FGGY: variants seen among roughly 807,000 people sequenced by gnomAD.
FGGY encodes the protein FGGY carbohydrate kinase domain-containing protein.
A neutral mutation model predicts 71.3 loss-of-function variants in FGGY; 72 were observed. The observed-to-expected ratio is 1.01, with a 90% CI of 0.84 to 1.23. The LOEUF (loss-of-function observed/expected upper bound fraction) is 1.23. Ranked by LOEUF, FGGY falls within the 50% of genes most tolerant of loss-of-function variation. The probability of loss-of-function intolerance (pLI) is 0.00; values close to 1 mark genes in which losing one functional copy is unlikely to be tolerated. For missense variants in FGGY, 668 were observed against 682.3 expected, an observed-to-expected ratio of 0.98 and a Z score of 0.23; for synonymous variants, 251 against 250.3, an observed-to-expected ratio of 1.00 and a Z score of -0.02.
At chr1:59,548,499 G>A (rs1022575094) in intron 7 of FGGY, among the ~76,000 whole-genome samples, 2 of 152,268 alleles carry the variant, frequency 1.3e-5, no homozygotes, top group African/African-American at 4.8e-5. Flanking sequence ...AGGGGTCAAG[G>A]CATCTTTGCC....
chr1:59,660,320 A>G lies in FGGY; in HGVS notation c.1296+27A>G, dbSNP rs1489668611. 5 of 1,587,590 alleles carry G rather than the reference A, an allele frequency of 3.1e-6. No homozygotes were observed. The Admixed American group carries it at 5.0e-5, about 16-fold the overall frequency. Reference sequence around the variant, plus strand: ...TAAGATACTGTAATGCCATTTTTAAAGAGACTTAGAGCCATCAGTATACTC... The same window carrying G: ...TAAGATACTGTAATGCCATTTTTAAGGAGACTTAGAGCCATCAGTATACTC... On this transcript the variant is annotated intron_variant, in intron 12 of 15. Transcript: ENST00000303721.
chr1:59,447,779 C>T (rs181088891), intron 5 of FGGY, among the ~76,000 whole-genome samples: 81 of 152,280 alleles, frequency 5.3e-4, no homozygotes, highest in Non-Finnish European at 8.7e-4. Flanking sequence ...TCCCCAGCCA[C>T]GTGGAACCAT....
At chr1:59,482,806 T>C (rs895188851) in intron 6 of FGGY, among the ~76,000 whole-genome samples, 1 of 152,084 alleles carries the variant, frequency 6.6e-6, no homozygotes, top group African/African-American at 2.4e-5. Context: ...TTTGGCACTT[T>C]TAAAATTATC....
chr1:59,614,337 G>A (rs1217049222), intron 9 of FGGY, among the ~76,000 whole-genome samples: 2 of 152,164 alleles, frequency 1.3e-5, no homozygotes, highest in African/African-American at 4.8e-5. Context: ...TGCAAGACTG[G>A]TTCAACATAT....
At chr1:59,379,162 AAC>A (rs55986439) in intron 5 of FGGY, among the ~76,000 whole-genome samples, 437 of 142,950 alleles carry the variant, frequency 3.1e-3, no homozygotes, top group Non-Finnish European at 4.3e-3. Flanking sequence ...GGAAAAAATA[AAC>A]ACACACACAC....
chr1:59,386,522 C>T (rs1164011515), intron 5 of FGGY, among the ~76,000 whole-genome samples: 1 of 152,090 alleles, frequency 6.6e-6, no homozygotes, highest in East Asian at 1.9e-4. Context: ...TTTCTCCACT[C>T]TAAATTACTC....
chr1:59,500,342 C>T (rs1346972095), intron 6 of FGGY, among the ~76,000 whole-genome samples: 1 of 152,046 alleles, frequency 6.6e-6, no homozygotes, highest in Non-Finnish European at 1.5e-5. Flanking sequence ...GTTTGTCATT[C>T]CAGCTTGTTA....
At chr1:59,469,972 A>G (rs537245703) in intron 6 of FGGY, among the ~76,000 whole-genome samples, 1 of 152,260 alleles carries the variant, frequency 6.6e-6, no homozygotes, top group Non-Finnish European at 1.5e-5. Flanking sequence ...GTGTACATGT[A>G]CCACATTTTC....
At chr1:59,473,616 A>T (rs2093106578) in intron 6 of FGGY, among the ~76,000 whole-genome samples, 1 of 152,176 alleles carries the variant, frequency 6.6e-6, no homozygotes, top group Non-Finnish European at 1.5e-5. Context: ...AGCATAGTGG[A>T]CCTGAAGCAA....
At chr1:59,732,941 G>A (rs759083215) in intron 14 of FGGY, among the ~76,000 whole-genome samples, 6 of 151,982 alleles carry the variant, frequency 3.9e-5, no homozygotes, top group Non-Finnish European at 8.8e-5. Context: ...CCTGTTCCCC[G>A]TAATTGTTAC....
At chr1:59,612,656 T>C (rs1363571626) in intron 9 of FGGY, among the ~76,000 whole-genome samples, 1 of 152,198 alleles carries the variant, frequency 6.6e-6, no homozygotes, top group Non-Finnish European at 1.5e-5. Flanking sequence ...ATATTAACCT[T>C]ATATGTAAAT....
At chr1:59,372,155 T>A (rs2057770213) in intron 4 of FGGY, among the ~76,000 whole-genome samples, 1 of 151,880 alleles carries the variant, frequency 6.6e-6, no homozygotes, top group Non-Finnish European at 1.5e-5. Context: ...ACAAAATTGA[T>A]AGACCGTTAG....
intron 5 of FGGY, among the ~76,000 whole-genome samples, chr1:59,427,202 C>T (rs1480094204): frequency 6.6e-6 from 1 of 152,182 alleles, no homozygotes; most frequent in Admixed American, 6.5e-5. Context: ...AACTCAGGTC[C>T]ATAGCAGGCA....
intron 9 of FGGY, among the ~76,000 whole-genome samples, chr1:59,616,344 A>G (rs2096753901): frequency 6.6e-6 from 1 of 152,204 alleles, no homozygotes; most frequent in African/African-American, 2.4e-5. Flanking sequence ...ACATGGATGA[A>G]GCTGGAAACC....
chr1:59,602,419 A>C (rs1003826600), intron 8 of FGGY, among the ~76,000 whole-genome samples: 3 of 152,210 alleles, frequency 2.0e-5, no homozygotes, highest in Non-Finnish European at 4.4e-5. Flanking sequence ...TATTATTTCT[A>C]TATGATTTAT....
chr1:59,357,743 A>C (rs1323221938), intron 4 of FGGY, among the ~76,000 whole-genome samples: 1 of 152,160 alleles, frequency 6.6e-6, no homozygotes, highest in African/African-American at 2.4e-5. Flanking sequence ...TTTGGCATTG[A>C]AAAAATACTC....
chr1:59,500,300 T>A (rs1450096918), intron 6 of FGGY, among the ~76,000 whole-genome samples: 1 of 152,158 alleles, frequency 6.6e-6, no homozygotes, highest in Non-Finnish European at 1.5e-5. Flanking sequence ...TTTAAAATCC[T>A]GAATAAAGAT....
At chr1:59,402,466 G>T (rs574366943) in intron 5 of FGGY, among the ~76,000 whole-genome samples, 1 of 152,162 alleles carries the variant, frequency 6.6e-6, no homozygotes. Context: ...GATAGTAGGC[G>T]TGTCATCTGA....
At chr1:59,560,023 T>A (rs1033699699) in intron 8 of FGGY, among the ~76,000 whole-genome samples, 6 of 152,306 alleles carry the variant, frequency 3.9e-5, no homozygotes, top group Non-Finnish European at 8.8e-5. Flanking sequence ...CCACAAAATA[T>A]GGTATGGAAA....
Sources: allele counts gnomAD v4.1 joint callset (sites outside exome capture counted in the v4.1 genomes callset), GRCh38; gene constraint gnomAD v4.1.1; transcripts MANE v1.5; gene names NCBI Gene and HGNC (gene_info 2026-07-23, HGNC 2026-07-21).